The following SLCO1B1 variants were observed in gnomAD, a reference collection of about 807,000 sequenced individuals.
The protein encoded by SLCO1B1 is OATP-2.
In SLCO1B1, 81 loss-of-function variants were observed where a neutral mutation model predicts 70.1. That is an observed-to-expected ratio of 1.16 (90% CI 0.97 to 1.39). The LOEUF (loss-of-function observed/expected upper bound fraction) is 1.39, where lower values mean the gene tolerates loss of function less well. Among genes scored for constraint, SLCO1B1 ranks in the 40% most tolerant of loss-of-function variants. The pLI is 0.00. For missense variants in SLCO1B1, 895 were observed against 799.6 expected (o/e 1.12, Z -1.44); for synonymous variants, 283 against 271.5 (o/e 1.04, Z -0.42).
At chr12:21,133,186 G>A (rs186625208) in intron 1 of SLCO1B1, among the ~76,000 whole-genome samples, 2,198 of 152,028 alleles carry the variant, frequency 0.014, 49 homozygotes, top group African/African-American at 0.05. Context: ...TGTTCCATTG[G>A]TCTATATCTC....
In SLCO1B1 at chr12:21,230,323, C is replaced by CTTT. The variant is rs745494878; in HGVS notation, c.1865+5505_1865+5507dup. Among the ~76,000 whole-genome samples, 549 of 70,132 alleles carry CTTT rather than the reference C, an allele frequency of 7.8e-3. 3 individuals are homozygous for CTTT. The highest frequency in any genetic ancestry group is 0.012 in the Non-Finnish European group (435 of 36,842). The allele number at this position is 70,132 out of a possible 152,430, so 46.0% of individuals were successfully genotyped here. On this transcript the variant is annotated intron_variant, in intron 14 of 14. Transcript: ENST00000256958. ...ATGAGAGAAGTTGCTCTGTAGTATT[C>CTTT]TTTTTTTTTTTTTTTTTTTTTTTGG...
chr12:21,217,566 C>T (rs1218421813), intron 12 of SLCO1B1, among the ~76,000 whole-genome samples: 1 of 152,160 alleles, frequency 6.6e-6, no homozygotes, highest in African/African-American at 2.4e-5. Flanking sequence ...ACAATTCTCT[C>T]AGTTGTAAAA....
chr12:21,157,311 GAAGAAAA>G (rs1479127437), intron 2 of SLCO1B1, among the ~76,000 whole-genome samples: 6 of 151,906 alleles, frequency 3.9e-5, no homozygotes, highest in Non-Finnish European at 4.4e-5. Flanking sequence ...GTGTAAAGTA[GAAGAAAA>G]AAGAAGGAAA....
intron 4 of SLCO1B1, among the ~76,000 whole-genome samples, chr12:21,175,691 G>A (rs1322978724): frequency 1.3e-5 from 2 of 151,952 alleles, no homozygotes; most frequent in African/African-American, 2.4e-5. Context: ...TCATCATACT[G>A]CACTCTCTTG....
At chr12:21,210,589 C>T (rs901962556) in intron 11 of SLCO1B1, among the ~76,000 whole-genome samples, 4 of 148,708 alleles carry the variant, frequency 2.7e-5, no homozygotes, top group African/African-American at 1.0e-4. Context: ...TTTTCCAATT[C>T]TGTGAAGAAA....
rs11045891 is a variant in SLCO1B1, at chr12:21,239,638, A to C, written c.*449A>C. 0.12 allele frequency among the ~76,000 whole-genome samples: 18,496 copies of C among 152,168 alleles called. 1,529 individuals are homozygous for C. The highest frequency in any genetic ancestry group is 0.18 in the Non-Finnish European group (12,330 of 67,944). Reference sequence around the variant, plus strand: ...TTTGAACTATAATACTAAGGCCTGAAGTCTAGCTTGGATATATGCTACAAT... The same window carrying C: ...TTTGAACTATAATACTAAGGCCTGACGTCTAGCTTGGATATATGCTACAAT... On this transcript the variant is annotated 3_prime_UTR_variant, in exon 15 of 15. Coordinates refer to ENST00000256958, the MANE Select transcript of SLCO1B1 (RefSeq NM_006446.5).
At chr12:21,165,592 A>C (rs946178787) in intron 2 of SLCO1B1, among the ~76,000 whole-genome samples, 1 of 152,152 alleles carries the variant, frequency 6.6e-6, no homozygotes, top group Non-Finnish European at 1.5e-5. Flanking sequence ...CCTCTCCCCA[A>C]AATTGTGTAT....
intron 5 of SLCO1B1, 107 bp from the exon 6 acceptor site, chr12:21,178,466 TGTA>T (rs956103966): frequency 3.8e-6 from 3 of 794,298 alleles, no homozygotes; most frequent in African/African-American, 1.8e-5. Context: ...TACTTGTACT[TGTA>T]AATTAAAAAA....
chr12:21,202,153 G>A (rs1273629547), intron 9 of SLCO1B1, among the ~76,000 whole-genome samples: 1 of 152,096 alleles, frequency 6.6e-6, no homozygotes, highest in Non-Finnish European at 1.5e-5. Flanking sequence ...AGTGGGAGTT[G>A]AACAATGAGA....
chr12:21,207,131 A>C (rs1459665400), intron 11 of SLCO1B1, among the ~76,000 whole-genome samples: 2 of 151,906 alleles, frequency 1.3e-5, no homozygotes, highest in South Asian at 2.1e-4. Flanking sequence ...GCTGTTTTTT[A>C]AAAAAATAAT....
intron 2 of SLCO1B1, among the ~76,000 whole-genome samples, chr12:21,143,668 A>C (rs1366276334): frequency 6.6e-6 from 1 of 152,066 alleles, no homozygotes; most frequent in East Asian, 1.9e-4. Flanking sequence ...GTCTGAACTC[A>C]GGCAATCTGA....
chr12:21,233,516 C>G (rs200126702), intron 14 of SLCO1B1, among the ~76,000 whole-genome samples: 1 of 128,850 alleles, frequency 7.8e-6, no homozygotes, highest in Non-Finnish European at 1.7e-5. Flanking sequence ...CTAATTAGAG[C>G]TAACCAACAC....
chr12:21,175,628 A>G (rs1190022925), intron 4 of SLCO1B1, among the ~76,000 whole-genome samples: 3 of 152,036 alleles, frequency 2.0e-5, no homozygotes, highest in African/African-American at 7.2e-5. Flanking sequence ...TTCACCCACC[A>G]TATTTGGCCC....
chr12:21,166,491 G>A (rs138177501), intron 2 of SLCO1B1, among the ~76,000 whole-genome samples: 1 of 152,256 alleles, frequency 6.6e-6, no homozygotes, highest in East Asian at 1.9e-4. Context: ...CTGAACAGAT[G>A]CCTCACTGAA....
intron 14 of SLCO1B1, among the ~76,000 whole-genome samples, chr12:21,225,101 A>G (rs1337234882): frequency 6.6e-6 from 1 of 152,112 alleles, no homozygotes; most frequent in East Asian, 1.9e-4. Context: ...AAAATCAGAG[A>G]TAATAGAAAA....
At chr12:21,137,665 C>T (rs1279538285) in intron 1 of SLCO1B1, among the ~76,000 whole-genome samples, 1 of 152,196 alleles carries the variant, frequency 6.6e-6, no homozygotes, top group Non-Finnish European at 1.5e-5. Context: ...TCCTGGTGTG[C>T]TGTTTTTTAA....
rs1377793179 is a variant in SLCO1B1 at position 21,239,302 on chromosome 12, T to C, written c.*113T>C. On this transcript the variant is annotated 3_prime_UTR_variant, in exon 15 of 15. Coordinates refer to ENST00000256958, the MANE Select transcript of SLCO1B1 (RefSeq NM_006446.5). Reference sequence around the variant, plus strand: ...CCTTTCACTAAGAATTTCCACATCTTTTATGGTGGAAGTATAAATAAGCCT... The same window carrying C: ...CCTTTCACTAAGAATTTCCACATCTCTTATGGTGGAAGTATAAATAAGCCT... 6.2e-6 allele frequency: 5 copies of C among 802,248 alleles called. No homozygotes were observed. The East Asian group carries it at 9.9e-5, about 16-fold the overall frequency. The allele number at this position is 802,248 out of a possible 1,614,324, so 49.7% of individuals were successfully genotyped here. A position where few individuals can be genotyped will look rare whatever the true frequency, so the allele number is the denominator to read the frequency against.
At chr12:21,219,330 T>G (rs1941395856) in intron 12 of SLCO1B1, among the ~76,000 whole-genome samples, 1 of 152,004 alleles carries the variant, frequency 6.6e-6, no homozygotes, top group South Asian at 2.1e-4. Context: ...AATGGAGACA[T>G]AGGAGGAACA....
At chr12:21,236,857 A>AT (rs907142515) in intron 14 of SLCO1B1, among the ~76,000 whole-genome samples, 12 of 152,062 alleles carry the variant, frequency 7.9e-5, no homozygotes, top group Non-Finnish European at 1.5e-4. Flanking sequence ...AACTTGACTT[A>AT]TTTTTTTATC....
Sources: allele counts gnomAD v4.1 joint callset (sites outside exome capture counted in the v4.1 genomes callset), GRCh38; gene constraint gnomAD v4.1.1; transcripts MANE v1.5; gene names NCBI Gene and HGNC (gene_info 2026-07-23, HGNC 2026-07-21).